The following MEMO1 variants were observed in gnomAD, a reference collection of about 807,000 sequenced individuals.
The protein encoded by MEMO1 is mediator of cell motility 1, also known as protein MEMO1.
MEMO1 carries 6 observed loss-of-function variants against 45.2 expected under a neutral mutation model. The ratio of observed to expected loss-of-function variants is 0.13; its 90% CI spans 0.07 to 0.26. MEMO1 has a LOEUF of 0.26. Ranked by LOEUF, MEMO1 falls within the 10% of genes least tolerant of loss-of-function variation. The probability of loss-of-function intolerance (pLI) is 1.00; values close to 1 mark genes in which losing one functional copy is unlikely to be tolerated. For missense variants in MEMO1, 184 were observed against 370.5 expected (o/e 0.50, Z 4.13); for synonymous variants, 78 against 124.3 (o/e 0.63, Z 2.48).
At chr2:31,963,913 C>G (rs1239107747) in intron 2 of MEMO1, among the ~76,000 whole-genome samples, 4 of 151,804 alleles carry the variant, frequency 2.6e-5, no homozygotes, top group Admixed American at 2.6e-4. Context: ...AAGATTCATA[C>G]CAAAAAAAGA....
intron 8 of MEMO1, among the ~76,000 whole-genome samples, chr2:31,881,522 GAAAAAGGA>G (rs1675369090): frequency 9.1e-6 from 1 of 110,278 alleles, no homozygotes. Flanking sequence ...AAAAAAAACA[GAAAAAGGA>G]AAAAAAGAAA....
intron 5 of MEMO1, among the ~76,000 whole-genome samples, chr2:31,918,397 G>A (rs1270600781): frequency 6.6e-6 from 1 of 152,012 alleles, no homozygotes; most frequent in Non-Finnish European, 1.5e-5. Context: ...GCTTTTCCTT[G>A]ACTTTAATCA....
At position 31,992,899 on chromosome 2, in the gene MEMO1, A is replaced by G. The variant is rs187828560; in HGVS notation, c.61+17288T>C. Among the ~76,000 whole-genome samples the G allele has an allele frequency of 1.1e-3, 173 of 152,342 alleles. 2 individuals are homozygous for G. Among genetic ancestry groups the G allele is most frequent in the African/African-American group, 3.0e-3 (125 of 41,590 alleles). ...AAGATAATAAATATAAGCAATTGGA[A>G]GAAACAATTAACTAAAATACATATT... On this transcript the variant is annotated intron_variant, in intron 2 of 9. Coordinates refer to ENST00000404530, the MANE Select transcript of MEMO1 (RefSeq NM_001301833.4).
At chr2:31,936,470 T>A (rs1220432508) in intron 3 of MEMO1, among the ~76,000 whole-genome samples, 1 of 152,150 alleles carries the variant, frequency 6.6e-6, no homozygotes, top group Non-Finnish European at 1.5e-5. Flanking sequence ...GCTTCTCCCT[T>A]TGCTCCTACA....
intron 6 of MEMO1, among the ~76,000 whole-genome samples, chr2:31,913,346 G>C (rs1680905663): frequency 6.6e-6 from 1 of 151,688 alleles, no homozygotes; most frequent in Non-Finnish European, 1.5e-5. Context: ...TGAAAAATGG[G>C]GGGAAGCTTA....
intron 3 of MEMO1, among the ~76,000 whole-genome samples, chr2:31,938,977 G>A (rs1053362458): frequency 6.6e-6 from 1 of 151,478 alleles, no homozygotes; most frequent in African/African-American, 2.4e-5. Flanking sequence ...TGTAGAGGGG[G>A]TTTCGCCATG....
At chr2:31,978,795 C>G (rs1019822060) in intron 2 of MEMO1, among the ~76,000 whole-genome samples, 1 of 152,162 alleles carries the variant, frequency 6.6e-6, no homozygotes, top group Non-Finnish European at 1.5e-5. Context: ...TATTCAGTAT[C>G]TTTTTTCTTT....
intron 6 of MEMO1, among the ~76,000 whole-genome samples, chr2:31,901,287 C>G (rs1034567194): frequency 4.2e-5 from 6 of 142,474 alleles, no homozygotes; most frequent in African/African-American, 1.3e-4. Context: ...GCAGAAGAAT[C>G]GCTTGAACCT....
chr2:31,876,951 T>C (rs1001941272), intron 8 of MEMO1, among the ~76,000 whole-genome samples: 6 of 152,230 alleles, frequency 3.9e-5, no homozygotes, highest in South Asian at 2.1e-4. Context: ...GTCTACACGT[T>C]ATCTCTTCCA....
At chr2:31,933,624 G>A (rs1283018031) in intron 3 of MEMO1, among the ~76,000 whole-genome samples, 5 of 151,730 alleles carry the variant, frequency 3.3e-5, no homozygotes, top group Admixed American at 3.3e-4. Context: ...AGATATGAAT[G>A]GAGAAAATGA....
At chr2:31,946,781 T>G (rs1167177362) in intron 2 of MEMO1, among the ~76,000 whole-genome samples, 1 of 152,072 alleles carries the variant, frequency 6.6e-6, no homozygotes, top group African/African-American at 2.4e-5. Flanking sequence ...AGGAATCACT[T>G]GAGCCCGGGA....
chr2:31,933,374 T>TATATATATATATATATAA, intron 3 of MEMO1, among the ~76,000 whole-genome samples: 1 of 89,440 alleles, frequency 1.1e-5, no homozygotes, highest in South Asian at 4.3e-4. Context: ...TATATATATA[T>TATATATATATATATATAA]ATATATATAG....
intron 2 of MEMO1, among the ~76,000 whole-genome samples, chr2:31,961,399 G>C (rs945927602): frequency 2.0e-5 from 3 of 151,950 alleles, no homozygotes; most frequent in African/African-American, 7.3e-5. Context: ...TGCAATCTGG[G>C]AGGACATGAA....
At chr2:31,897,763 C>T (rs1678096976) in intron 6 of MEMO1, among the ~76,000 whole-genome samples, 1 of 151,946 alleles carries the variant, frequency 6.6e-6, no homozygotes, top group Non-Finnish European at 1.5e-5. Flanking sequence ...CCTCTTTTTC[C>T]ATTATTTGGA....
intron 2 of MEMO1, among the ~76,000 whole-genome samples, chr2:31,998,246 C>G (rs756048917): frequency 7.2e-5 from 11 of 152,132 alleles, no homozygotes; most frequent in Non-Finnish European, 1.2e-4. Context: ...CTCCTGAGCT[C>G]AAGCAGTCCT....
At chr2:31,938,979 T>G (rs1665284502) in intron 3 of MEMO1, among the ~76,000 whole-genome samples, 1 of 151,698 alleles carries the variant, frequency 6.6e-6, no homozygotes, top group African/African-American at 2.4e-5. Context: ...TAGAGGGGGT[T>G]TCGCCATGTT....
At chr2:31,974,850 A>G (rs961630575) in intron 2 of MEMO1, among the ~76,000 whole-genome samples, 1 of 152,118 alleles carries the variant, frequency 6.6e-6, no homozygotes, top group African/African-American at 2.4e-5. Context: ...TATTTTCTTA[A>G]GCCATAAGAG....
At chr2:31,961,448 A>C (rs554849751) in intron 2 of MEMO1, among the ~76,000 whole-genome samples, 9 of 151,574 alleles carry the variant, frequency 5.9e-5, no homozygotes, top group Non-Finnish European at 1.2e-4. Context: ...TGTGTCAGGC[A>C]CACTACTGGG....
intron 2 of MEMO1, among the ~76,000 whole-genome samples, chr2:31,951,879 C>A (rs556297897): frequency 6.6e-6 from 1 of 152,256 alleles, no homozygotes; most frequent in South Asian, 2.1e-4. Flanking sequence ...CCTCCAAATC[C>A]TTTCTCTCAT....
Sources: allele counts gnomAD v4.1 joint callset (sites outside exome capture counted in the v4.1 genomes callset), GRCh38; gene constraint gnomAD v4.1.1; transcripts MANE v1.5; gene names NCBI Gene and HGNC (gene_info 2026-07-23, HGNC 2026-07-21).